Variants in COL6A5 observed in about 807,000 individuals in gnomAD.
The protein encoded by COL6A5 is collagen type VI alpha 5 chain, also known as collagen alpha-5(VI) chain.
COL6A5 carries 48 observed loss-of-function variants against 65.6 expected under a neutral mutation model. That is an observed-to-expected ratio of 0.73 (90% CI 0.58 to 0.93). COL6A5 has a LOEUF of 0.93. Ranked by LOEUF, COL6A5 falls within the 40% of genes least tolerant of loss-of-function variation. COL6A5 has a pLI of 0.00. For synonymous variants in COL6A5, 291 were observed against 322.8 expected, an observed-to-expected ratio of 0.90 and a Z score of 1.05; for missense variants, 914 against 928.3, an observed-to-expected ratio of 0.98 and a Z score of 0.20.
At chr3:130,425,309 A>G (rs1937582561) in intron 29 of COL6A5, among the ~76,000 whole-genome samples, 1 of 152,156 alleles carries the variant, frequency 6.6e-6, no homozygotes, top group African/African-American at 2.4e-5. Context: ...GGATGGACCA[A>G]TGAAGAAGTA....
At chr3:130,465,963 A>C (rs1460839654) in intron 5 of COL6A5, among the ~76,000 whole-genome samples, 1 of 148,476 alleles carries the variant, frequency 6.7e-6, no homozygotes, top group Non-Finnish European at 1.5e-5. Context: ...AAGATTGGCA[A>C]ACTTGAAAAC....
intron 1 of COL6A5, among the ~76,000 whole-genome samples, chr3:130,372,763 A>G (rs1198720616): frequency 1.3e-5 from 2 of 152,088 alleles, no homozygotes; most frequent in African/African-American, 4.8e-5. Context: ...AATCTAAATG[A>G]TTTATAGGGT....
At chr3:130,352,563 G>T (rs747080308) in intron 1 of COL6A5, among the ~76,000 whole-genome samples, 12 of 152,116 alleles carry the variant, frequency 7.9e-5, no homozygotes, top group Non-Finnish European at 1.8e-4. Context: ...ATGGGTAGAT[G>T]TATTTATTAT....
chr3:130,410,673 A>G, intron 20 of COL6A5, 149 bp downstream of exon 20: 1 of 677,650 alleles, frequency 1.5e-6, no homozygotes, highest in Non-Finnish European at 2.6e-6. Flanking sequence ...ATTTGGGGCC[A>G]ATAATTATTT....
chr3:130,397,705 A>G, exon 9 of COL6A5: 3 of 1,549,902 alleles, frequency 1.9e-6, no homozygotes, highest in Middle Eastern at 1.7e-4. Flanking sequence ...CATCAGCTCT[A>G]TCAAGGGGGT....
chr3:130,409,624 A>G (rs150331642), intron 18 of COL6A5, among the ~76,000 whole-genome samples: 3 of 152,258 alleles, frequency 2.0e-5, no homozygotes, highest in African/African-American at 4.8e-5. Context: ...GAACATTTCC[A>G]TAGCTTTATT....
At chr3:130,346,021 G>A (rs558960137) in intron 1 of COL6A5, 40 bp downstream of exon 1, 11 of 398,690 alleles carry the variant, frequency 2.8e-5, no homozygotes, top group African/African-American at 2.3e-4. Flanking sequence ...TGAGGCAGGC[G>A]GGGGAGGAAA....
intron 10 of COL6A5, among the ~76,000 whole-genome samples, chr3:130,398,494 C>T (rs1936696006): frequency 6.6e-6 from 1 of 152,132 alleles, no homozygotes; most frequent in Non-Finnish European, 1.5e-5. Flanking sequence ...TACTCAGATG[C>T]TGTAGATCTT....
chr3:130,454,013 A>C (rs73871010), intron 4 of COL6A5, among the ~76,000 whole-genome samples: 1,819 of 152,304 alleles, frequency 0.012, 41 homozygotes, highest in African/African-American at 0.041. Context: ...AGTCATTTAC[A>C]AGGAAAACCA....
At chr3:130,396,549 T>C (rs1034561842) in intron 8 of COL6A5, among the ~76,000 whole-genome samples, 2 of 152,240 alleles carry the variant, frequency 1.3e-5, no homozygotes, top group South Asian at 2.1e-4. Context: ...GTTTGTCGCA[T>C]CCAGCGTTGA....
intron 23 of COL6A5, among the ~76,000 whole-genome samples, chr3:130,416,330 C>T (rs1195674754): frequency 6.6e-6 from 1 of 152,116 alleles, no homozygotes; most frequent in Non-Finnish European, 1.5e-5. Context: ...GTGTGAAAGA[C>T]ACGTCTGCCC....
At position 130,358,651 on chromosome 3, in the gene COL6A5, T is replaced by C. The variant is rs182913902; in HGVS notation, c.-29+12670T>C. 5.3e-3 allele frequency among the ~76,000 whole-genome samples: 805 copies of C among 152,214 alleles called. 9 individuals carry two copies. Among genetic ancestry groups the C allele is most frequent in the African/African-American group, 0.018 (732 of 41,532 alleles). ...AGCCATGTGGTAATGTGGAATTTTT[T>C]CCCCCCAATCAGGATTCCAAAACTT... is the stretch of plus-strand genomic sequence containing the variant. On this transcript the variant is annotated intron_variant and NMD_transcript_variant, in intron 1 of 41. Transcript: ENST00000312481.
chr3:130,469,298 A>G lies in COL6A5; in HGVS notation c.2050A>G (p.Arg684Gly), dbSNP rs779375015. Residue 684 changes from arginine to glycine, a missense_variant, in exon 6 of 8, where the codon AGA becomes GGA. Coordinates refer to ENST00000512836, the Ensembl canonical transcript of COL6A5. Reference sequence around the variant, plus strand: ...AGACGTCTTAAGGAATGTGTCTCTGAGAGCCAAGTGTCAAGGCTACTCCAT... The same window carrying G: ...AGACGTCTTAAGGAATGTGTCTCTGGGAGCCAAGTGTCAAGGCTACTCCAT... 11 of 1,613,062 alleles carry G rather than the reference A, an allele frequency of 6.8e-6. No homozygotes were observed. In the Admixed American group the frequency reaches 1.5e-4, roughly 22 times the overall value.
chr3:130,410,589 A>C (rs952415530), intron 20 of COL6A5, 65 bp downstream of exon 20: 2 of 1,365,688 alleles, frequency 1.5e-6, no homozygotes, highest in South Asian at 2.5e-5. Flanking sequence ...GGCATTCAGA[A>C]TATTTGTTGT....
chr3:130,402,864 A>G (rs1209331407), intron 12 of COL6A5, among the ~76,000 whole-genome samples: 1 of 152,220 alleles, frequency 6.6e-6, no homozygotes, highest in Admixed American at 6.5e-5. Flanking sequence ...ATACAAATGA[A>G]GTTTTTCTTT....
At chr3:130,391,795 A>C in intron 7 of COL6A5, 41 bp downstream of exon 7, 1 of 1,434,992 alleles carries the variant, frequency 7.0e-7, no homozygotes, top group Non-Finnish European at 9.4e-7. Context: ...GGTAGCAATA[A>C]AAGTTTAAAC....
intron 2 of COL6A5, among the ~76,000 whole-genome samples, chr3:130,439,950 C>T (rs1709134406): frequency 6.6e-6 from 1 of 152,156 alleles, no homozygotes; most frequent in African/African-American, 2.4e-5. Context: ...CTACCTACAT[C>T]TGCTTTCAAC....
exon 4 of COL6A5, chr3:130,379,478 A>T: frequency 6.4e-7 from 1 of 1,551,264 alleles, no homozygotes; most frequent in Non-Finnish European, 8.7e-7. Flanking sequence ...CTGGTGGATG[A>T]GTCACTTGGG....
intron 5 of COL6A5, among the ~76,000 whole-genome samples, chr3:130,464,300 A>T (rs1378530333): frequency 6.6e-6 from 1 of 151,738 alleles, no homozygotes; most frequent in Admixed American, 6.6e-5. Flanking sequence ...CACCCAGCTA[A>T]TTTTTAAAAT....
Sources: gnomAD v4.1 joint callset for allele counts (sites outside exome capture counted in the v4.1 genomes callset) on GRCh38, gnomAD v4.1.1 for gene constraint, MANE v1.5 for transcripts, NCBI Gene and HGNC (gene_info 2026-07-23, HGNC 2026-07-21) for gene names.